Variants in ZBBX observed in about 807,000 individuals in gnomAD.
ZBBX encodes zinc finger B-box domain containing.
ZBBX carries 101 observed loss-of-function variants against 108.5 expected under a neutral mutation model. The observed-to-expected ratio is 0.93, with a 90% CI of 0.79 to 1.10. ZBBX has a LOEUF of 1.10. Ranked by LOEUF, ZBBX falls within the 50% of genes least tolerant of loss-of-function variation. ZBBX has a pLI of 0.00. For synonymous variants in ZBBX, 356 were observed against 323.4 expected (o/e 1.10, Z -1.08); for missense variants, 1,009 against 941.4 (o/e 1.07, Z -0.94).
chr3:167,295,635 C>T (rs572254317), intron 18 of ZBBX, among the ~76,000 whole-genome samples: 2 of 146,504 alleles, frequency 1.4e-5, no homozygotes, highest in African/African-American at 2.5e-5. Flanking sequence ...ATGTAACAAA[C>T]CTGCATGTTC....
intron 4 of ZBBX, among the ~76,000 whole-genome samples, chr3:167,370,938 A>G (rs2419408): frequency 0.88 from 134,063 of 152,128 alleles, 59,138 homozygotes; most frequent in East Asian, 0.94. Context: ...CTAATCAACA[A>G]AACAAATCCA....
At chr3:167,211,399 G>T in the ZBBX span, among the ~76,000 whole-genome samples, 2 of 152,294 alleles carry the variant, frequency 1.3e-5, no homozygotes, top group African/African-American at 2.4e-5. Flanking sequence ...AGTAGCTGCA[G>T]CTCTGGCAAA....
intron 10 of ZBBX, among the ~76,000 whole-genome samples, chr3:167,333,204 C>A (rs1013028855): frequency 6.6e-6 from 1 of 151,854 alleles, no homozygotes; most frequent in African/African-American, 2.4e-5. Context: ...ATGACTTCAG[C>A]TAAGTTACAG....
At position 167,327,983 on chromosome 3, in the gene ZBBX, T is replaced by C; in HGVS notation, c.821A>G (p.His274Arg). The part of the protein sequence containing the change: ...EVLSQWRTGN[H>R]DDNKKQNLHA... ...TAAATTCTGTTTCTTGTTGTCATCA[T>C]GATTTCCGGTTCTCCATTGACTTAA... Residue 274 changes from histidine to arginine, a missense_variant, in exon 11 of 22, where the codon CAT becomes CGT. His to Arg is a conservative substitution (Grantham distance 29, BLOSUM62 0). Transcript: ENST00000675490. 6.2e-7 allele frequency: 1 copy of C among 1,610,978 alleles called. No homozygotes were observed. The highest frequency in any genetic ancestry group is 1.1e-5 in the South Asian group (1 of 90,700).
At chr3:167,219,569 T>C in the ZBBX span, among the ~76,000 whole-genome samples, 3 of 151,984 alleles carry the variant, frequency 2.0e-5, no homozygotes, top group African/African-American at 4.8e-5. Context: ...TAAAATGTCT[T>C]GAAACAAATT....
At chr3:167,401,947 G>A (rs1335676896) in intron 1 of ZBBX, among the ~76,000 whole-genome samples, 1 of 152,128 alleles carries the variant, frequency 6.6e-6, no homozygotes, top group Non-Finnish European at 1.5e-5. Context: ...TTGATGAACT[G>A]ATTTCCAGAG....
At chr3:167,184,341 C>T in the ZBBX span, among the ~76,000 whole-genome samples, 2 of 152,058 alleles carry the variant, frequency 1.3e-5, no homozygotes, top group Non-Finnish European at 2.9e-5. Flanking sequence ...ACTATCCAGG[C>T]TCCCTATTCT....
chr3:167,282,281 TA>T lies in ZBBX; in HGVS notation c.2210del (p.Leu737Ter). The part of the protein sequence containing the change: ...SLDDTTDQHT[L>X]DNLEKELQVL... ...CTTGTAATTCTTTTTCCAAATTGTC[TA>T]AAGTATGTTGATCAGTAGTGTCATC... On this transcript the variant is annotated frameshift_variant, in exon 20 of 22. Coordinates refer to ENST00000675490, the MANE Select transcript of ZBBX (RefSeq NM_001199201.2). LOFTEE classifies it high-confidence loss of function. 9 of 1,613,662 alleles carry T rather than the reference TA, an allele frequency of 5.6e-6. No homozygotes were observed. Among genetic ancestry groups the T allele is most frequent in the Non-Finnish European group, 7.6e-6 (9 of 1,179,864 alleles).
chr3:167,197,861 T>A, the ZBBX span, among the ~76,000 whole-genome samples: 2 of 152,204 alleles, frequency 1.3e-5, no homozygotes, highest in African/African-American at 4.8e-5. Flanking sequence ...TATTGACATA[T>A]AAGAACTACA....
chr3:167,227,420 A>C, the ZBBX span, among the ~76,000 whole-genome samples: 3 of 151,702 alleles, frequency 2.0e-5, no homozygotes, highest in African/African-American at 7.2e-5. Context: ...ACCCGTCCCC[A>C]AAGCAGGAGC....
At chr3:167,205,130 A>T in the ZBBX span, among the ~76,000 whole-genome samples, 3 of 152,102 alleles carry the variant, frequency 2.0e-5, no homozygotes, top group African/African-American at 4.8e-5. Flanking sequence ...AATACAATTC[A>T]ATTTTAAGTT....
intron 4 of ZBBX, among the ~76,000 whole-genome samples, chr3:167,372,440 C>T (rs976879673): frequency 6.6e-6 from 1 of 152,154 alleles, no homozygotes; most frequent in Non-Finnish European, 1.5e-5. Flanking sequence ...AAGGTCAATT[C>T]AACATAACAT....
chr3:167,345,448 T>A (rs947325281), intron 9 of ZBBX, among the ~76,000 whole-genome samples: 5 of 151,924 alleles, frequency 3.3e-5, no homozygotes, highest in African/African-American at 1.2e-4. Flanking sequence ...CACATACATT[T>A]AAAATATTTT....
chr3:167,319,555 C>A (rs1179938171), intron 12 of ZBBX, among the ~76,000 whole-genome samples: 1 of 151,782 alleles, frequency 6.6e-6, no homozygotes, highest in Non-Finnish European at 1.5e-5. Flanking sequence ...GTCATACCAA[C>A]CTTAAAGGAG....
chr3:167,402,087 T>A (rs1310482802), intron 1 of ZBBX, among the ~76,000 whole-genome samples: 2 of 152,066 alleles, frequency 1.3e-5, no homozygotes, highest in Non-Finnish European at 2.9e-5. Context: ...ACAGTGGAGA[T>A]CGTGGGCTAC....
At position 167,285,086 on chromosome 3, in the gene ZBBX, T is replaced by C. The variant is rs1729470635; in HGVS notation, c.1997-2591A>G. Among the ~76,000 whole-genome samples the C allele has an allele frequency of 2.6e-5, 4 of 152,248 alleles. No individual in the cohort carries two copies. The South Asian group carries it at 6.2e-4, about 24-fold the overall frequency. On this transcript the variant is annotated intron_variant, in intron 19 of 21. Coordinates refer to ENST00000675490, the MANE Select transcript of ZBBX (RefSeq NM_001199201.2). Reference sequence around the variant, plus strand: ...TGGTTAACACTGATCAGTTATATTCTAAATGTAACAAAATAAATTTTCCTT... The same window carrying C: ...TGGTTAACACTGATCAGTTATATTCCAAATGTAACAAAATAAATTTTCCTT...
intron 17 of ZBBX, among the ~76,000 whole-genome samples, chr3:167,302,154 T>C (rs1048021606): frequency 3.9e-5 from 6 of 152,276 alleles, no homozygotes; most frequent in Admixed American, 3.3e-4. Context: ...AAATGTTCCA[T>C]GTGTTCTTAC....
chr3:167,216,363 C>A, the ZBBX span, among the ~76,000 whole-genome samples: 308 of 151,896 alleles, frequency 2.0e-3, 2 homozygotes, highest in Admixed American at 0.015. Context: ...ATTAAATAGG[C>A]AATCCCATTC....
At chr3:167,238,182 A>G (rs1487530036), downstream of ZBBX, among the ~76,000 whole-genome samples, 2 of 151,990 alleles carry the variant, frequency 1.3e-5, no homozygotes, top group Non-Finnish European at 2.9e-5. Context: ...TTTTAACTAT[A>G]GATACTAAAA....
Sources: gnomAD v4.1 joint callset for allele counts (sites outside exome capture counted in the v4.1 genomes callset) on GRCh38, gnomAD v4.1.1 for gene constraint, MANE v1.5 for transcripts, NCBI Gene and HGNC (gene_info 2026-07-23, HGNC 2026-07-21) for gene names.